MYO18B: variants seen among roughly 807,000 people sequenced by gnomAD.
The protein encoded by MYO18B is unconventional myosin-XVIIIb.
In MYO18B, 204 loss-of-function variants were observed where a neutral mutation model predicts 273.0. The observed-to-expected ratio is 0.75, with a 90% CI of 0.67 to 0.84. The LOEUF is 0.84. Ranked by LOEUF, MYO18B falls within the 40% of genes least tolerant of loss-of-function variation. The pLI is 0.00. For missense variants in MYO18B, 3,212 were observed against 3,287.6 expected (o/e 0.98, Z 0.56); for synonymous variants, 1,330 against 1,305.7 (o/e 1.02, Z -0.40).
At chr22:26,043,517 T>C in the MYO18B span, among the ~76,000 whole-genome samples, 1 of 149,184 alleles carries the variant, frequency 6.7e-6, no homozygotes, top group Non-Finnish European at 1.5e-5. Flanking sequence ...CTTTCTTTTT[T>C]TTTTTTTTTT....
intron 26 of MYO18B, 146 bp downstream of exon 26, chr22:25,891,021 C>T: frequency 1.6e-6 from 2 of 1,231,828 alleles, no homozygotes; most frequent in Non-Finnish European, 1.1e-6. Context: ...CTGGGGGACA[C>T]TTAGGTCTCC....
chr22:25,958,665 A>C (rs942623805), intron 39 of MYO18B, among the ~76,000 whole-genome samples: 5 of 152,160 alleles, frequency 3.3e-5, no homozygotes, highest in Admixed American at 2.6e-4. Context: ...AGTGTGCCCA[A>C]AACAGGGCTC....
intron 23 of MYO18B, among the ~76,000 whole-genome samples, chr22:25,875,513 C>A (rs577061232): frequency 1.3e-5 from 2 of 151,898 alleles, no homozygotes; most frequent in Non-Finnish European, 2.9e-5. Context: ...GGTCCCCCCC[C>A]CAGTGATAAG....
intron 39 of MYO18B, among the ~76,000 whole-genome samples, chr22:25,971,978 G>T (rs1317187845): frequency 2.0e-5 from 3 of 151,886 alleles, no homozygotes; most frequent in African/African-American, 4.8e-5. Flanking sequence ...TAGAGACGGG[G>T]TTTTGCCATG....
At position 26,001,571 on chromosome 22, in the gene MYO18B, C is replaced by T. The variant is rs116452512; in HGVS notation, c.6288-1694C>T. Among the ~76,000 whole-genome samples the T allele has an allele frequency of 1.8e-3, 271 of 152,346 alleles. 1 individual carries two copies. Among genetic ancestry groups the T allele is most frequent in the African/African-American group, 4.9e-3 (204 of 41,574 alleles). ...AGTAACTTCAGCTTCCCTGTCTTCCCTCCTTCCTGTCAACTGTCAGTTGCA... is the reference window on the plus strand; with the variant it reads ...AGTAACTTCAGCTTCCCTGTCTTCCTTCCTTCCTGTCAACTGTCAGTTGCA... On this transcript the variant is annotated intron_variant, in intron 40 of 43. Coordinates refer to ENST00000335473, the MANE Select transcript of MYO18B (RefSeq NM_032608.7).
chr22:25,828,891 C>T lies in MYO18B; in HGVS notation c.2902C>T (p.His968Tyr), dbSNP rs2089596744. 1.9e-6 allele frequency: 3 copies of T among 1,614,020 alleles called. No individual in the cohort carries two copies. The highest frequency in any genetic ancestry group is 8.5e-7 in the Non-Finnish European group (1 of 1,179,888). The change falls in exon 15 of 44, where the codon CAC becomes TAC. Residue 968 changes from histidine to tyrosine, a missense_variant. Transcript: ENST00000335473. ...DRAATFEELC[H>Y]NYAHERLQLL... ...GGCGGCCACCTTTGAGGAGCTGTGC[C>T]ACAACTACGCCCATGAGCGCCTGCA...
intron 20 of MYO18B, among the ~76,000 whole-genome samples, chr22:25,851,060 C>G (rs931753515): frequency 3.9e-5 from 6 of 152,248 alleles, no homozygotes; most frequent in African/African-American, 1.4e-4. Flanking sequence ...ATGTGTTAGA[C>G]AAAACACTTT....
At chr22:25,980,312 G>A (rs940787918) in intron 39 of MYO18B, among the ~76,000 whole-genome samples, 1 of 152,092 alleles carries the variant, frequency 6.6e-6, no homozygotes, top group Non-Finnish European at 1.5e-5. Flanking sequence ...TTTCCAGAAA[G>A]CTATAAAGAC....
At chr22:25,920,760 C>T (rs2092328649) in intron 33 of MYO18B, among the ~76,000 whole-genome samples, 1 of 152,206 alleles carries the variant, frequency 6.6e-6, no homozygotes. Flanking sequence ...CATAAAACAA[C>T]ACCCAGATCA....
chr22:25,774,732 G>A (rs889654574), intron 7 of MYO18B, among the ~76,000 whole-genome samples: 19 of 152,342 alleles, frequency 1.2e-4, no homozygotes, highest in African/African-American at 4.3e-4. Context: ...AGACCACCTC[G>A]AGGATGGGCT....
At chr22:25,980,237 G>A (rs1268332230) in intron 39 of MYO18B, among the ~76,000 whole-genome samples, 4 of 152,168 alleles carry the variant, frequency 2.6e-5, no homozygotes, top group African/African-American at 9.7e-5. Context: ...AGCCGACTTA[G>A]GCATTCTGCA....
chr22:25,803,739 A>G (rs1201154885), intron 12 of MYO18B, among the ~76,000 whole-genome samples: 1 of 152,118 alleles, frequency 6.6e-6, no homozygotes, highest in African/African-American at 2.4e-5. Flanking sequence ...GTGAGGAGTG[A>G]TGAAACGCAA....
At position 25,768,262 on chromosome 22, in the gene MYO18B, G is replaced by A. The variant is rs1479705925; in HGVS notation, c.346G>A (p.Asp116Asn). The A allele has an allele frequency of 4.3e-6, 7 of 1,613,852 alleles. No individual in the cohort carries two copies. The highest frequency in any genetic ancestry group is 2.2e-5 in the East Asian group (1 of 44,880). ...GGAGAGCGAGGGGTCCCGCAGCCCC[G>A]ACCCTGAGCAGATGACAAGCATCAA... ...GKESEGSRSP[D>N]PEQMTSINGE... is the part of the protein sequence containing the mutation. The change falls in exon 4 of 44, where the codon GAC (aspartate) becomes AAC (asparagine). Residue 116 changes from aspartate (D) to asparagine (N), a missense_variant. By Grantham distance (23) the Asp-to-Asn change is conservative. Transcript: ENST00000335473.
intron 12 of MYO18B, among the ~76,000 whole-genome samples, chr22:25,816,947 T>C (rs2089040384): frequency 6.6e-6 from 1 of 152,246 alleles, no homozygotes; most frequent in Admixed American, 6.5e-5. Flanking sequence ...TCACATAATG[T>C]TGAGTAATTC....
chr22:25,877,883 G>A (rs695428), intron 24 of MYO18B, 76 bp from the exon 25 acceptor site: 5 of 1,246,402 alleles, frequency 4.0e-6, no homozygotes, highest in Non-Finnish European at 5.7e-6. Context: ...ACTTTGTGCC[G>A]TTTGCTCACT....
intron 42 of MYO18B, among the ~76,000 whole-genome samples, chr22:26,010,875 G>A (rs1441759137): frequency 6.6e-6 from 1 of 152,012 alleles, no homozygotes; most frequent in Non-Finnish European, 1.5e-5. Context: ...TTTTAAATAT[G>A]TTAAACTTCG....
intron 41 of MYO18B, among the ~76,000 whole-genome samples, chr22:26,004,267 G>A (rs1020009028): frequency 6.6e-6 from 1 of 152,098 alleles, no homozygotes; most frequent in South Asian, 2.1e-4. Context: ...TAAAAGTAGA[G>A]TCCCTGTTTT....
At chr22:25,962,589 G>A (rs2092929669) in intron 39 of MYO18B, among the ~76,000 whole-genome samples, 1 of 152,156 alleles carries the variant, frequency 6.6e-6, no homozygotes, top group Non-Finnish European at 1.5e-5. Flanking sequence ...GATGGACTAG[G>A]GACTGTGCCC....
At chr22:25,796,766 T>A (rs2087930720) in intron 11 of MYO18B, among the ~76,000 whole-genome samples, 1 of 152,194 alleles carries the variant, frequency 6.6e-6, no homozygotes, top group South Asian at 2.1e-4. Context: ...ATTAATGATG[T>A]CTGTTATGAG....
Sources: gnomAD v4.1 joint callset for allele counts (sites outside exome capture counted in the v4.1 genomes callset) on GRCh38, gnomAD v4.1.1 for gene constraint, MANE v1.5 for transcripts, NCBI Gene and HGNC (gene_info 2026-07-23, HGNC 2026-07-21) for gene names.